DSN1: variants seen among roughly 807,000 people sequenced by gnomAD.
The protein encoded by DSN1 is DSN1 component of MIS12 kinetochore complex, also known as kinetochore-associated protein DSN1 homolog.
A neutral mutation model predicts 45.7 loss-of-function variants in DSN1; 31 were observed. The observed-to-expected ratio is 0.68, with a 90% CI of 0.51 to 0.92. DSN1 has a LOEUF of 0.92. DSN1 is among the 40% of genes least tolerant of loss of function. The pLI, the probability that DSN1 is intolerant of heterozygous loss-of-function variation, is 0.00. For missense variants in DSN1, 394 were observed against 414.2 expected (o/e 0.95, Z 0.42); for synonymous variants, 134 against 142.3 (o/e 0.94, Z 0.41).
At chr20:36,764,024 A>G (rs1358133070) in intron 5 of DSN1, among the ~76,000 whole-genome samples, 1 of 151,898 alleles carries the variant, frequency 6.6e-6, no homozygotes, top group Non-Finnish European at 1.5e-5. Context: ...GACCAGCCTG[A>G]GCAACACAGC....
At chr20:36,757,440 A>G (rs1986735849) in intron 8 of DSN1, among the ~76,000 whole-genome samples, 1 of 151,988 alleles carries the variant, frequency 6.6e-6, no homozygotes, top group Admixed American at 6.6e-5. Context: ...TTAGCCACGC[A>G]TCATGGCAGA....
intron 9 of DSN1, 82 bp downstream of exon 9, chr20:36,755,600 A>G (rs1050241847): frequency 1.3e-6 from 2 of 1,509,844 alleles, no homozygotes; most frequent in Non-Finnish European, 1.8e-6. Flanking sequence ...ACACTTATAC[A>G]TTTCTCCAGG....
intron 8 of DSN1, among the ~76,000 whole-genome samples, chr20:36,757,516 G>A (rs1208332026): frequency 6.6e-6 from 1 of 152,040 alleles, no homozygotes; most frequent in Non-Finnish European, 1.5e-5. Flanking sequence ...GAGGCAGAGT[G>A]AGCTCAGATG....
At chr20:36,762,388 G>T in intron 6 of DSN1, 73 bp downstream of exon 6, 1 of 1,400,490 alleles carries the variant, frequency 7.1e-7, no homozygotes, top group East Asian at 2.5e-5. Flanking sequence ...GGGATTACAG[G>T]CCTGAGCCAC....
At chr20:36,765,668 G>C (rs1056400697) in intron 5 of DSN1, among the ~76,000 whole-genome samples, 1 of 147,664 alleles carries the variant, frequency 6.8e-6, no homozygotes, top group East Asian at 2.0e-4. Flanking sequence ...CGCAGTGGCC[G>C]ACGCCTGTAG....
intron 8 of DSN1, among the ~76,000 whole-genome samples, chr20:36,756,232 G>A (rs1203097561): frequency 7.9e-5 from 12 of 152,034 alleles, no homozygotes; most frequent in African/African-American, 1.7e-4. Flanking sequence ...TGCCCGCTTC[G>A]GCCTCCCAAA....
intron 5 of DSN1, among the ~76,000 whole-genome samples, chr20:36,764,446 A>C (rs1211654655): frequency 6.6e-6 from 1 of 152,162 alleles, no homozygotes; most frequent in Non-Finnish European, 1.5e-5. Context: ...AGATCTTTTA[A>C]GTGGGTAAAC....
At chr20:36,757,118 G>A (rs1986714837) in intron 8 of DSN1, among the ~76,000 whole-genome samples, 1 of 152,222 alleles carries the variant, frequency 6.6e-6, no homozygotes, top group African/African-American at 2.4e-5. Context: ...CACATTGGGA[G>A]GCCAAGATGG....
chr20:36,760,198 C>T (rs1021602190), intron 6 of DSN1, among the ~76,000 whole-genome samples: 22 of 151,378 alleles, frequency 1.5e-4, no homozygotes, highest in African/African-American at 4.9e-4. Context: ...GAGCTGAGAT[C>T]GTGCCACTGC....
chr20:36,771,259 G>A (rs369273294), intron 2 of DSN1, 66 bp from the exon 3 acceptor site: 2 of 1,537,272 alleles, frequency 1.3e-6, no homozygotes, highest in East Asian at 2.3e-5. Context: ...GTGCAAAAAA[G>A]TGGAAAAAGT....
intron 3 of DSN1, among the ~76,000 whole-genome samples, chr20:36,770,601 G>A (rs1407144577): frequency 6.6e-6 from 1 of 152,194 alleles, no homozygotes; most frequent in Non-Finnish European, 1.5e-5. Flanking sequence ...GCTCACGCCT[G>A]TAGTCCCAGC....
Position 36,767,995 on chromosome 20 carries a change from C to G in DSN1, c.403G>C (p.Gly135Arg). ...TGGAAACTGGAAAGCAGGAGACAGC[C>G]AAGCCGTTTGCTTTCTGCTAAATCG... is the stretch of plus-strand genomic sequence containing the variant. The part of the protein sequence containing the change: ...SVDLAESKRL[G>R]CLLLSSFQFS... The change falls in exon 4 of 11, where the codon GGC becomes CGC. Residue 135 changes from glycine to arginine, a missense_variant. Gly to Arg is a moderately radical substitution (Grantham distance 125). Coordinates refer to ENST00000373750, the MANE Select transcript of DSN1 (RefSeq NM_001145315.2). 1 of 1,614,106 alleles carries G rather than the reference C, an allele frequency of 6.2e-7. No homozygotes were observed. The highest frequency in any genetic ancestry group is 8.5e-7 in the Non-Finnish European group (1 of 1,180,000).
intron 8 of DSN1, 50 bp from the exon 9 acceptor site, chr20:36,755,879 G>A (rs747349348): frequency 1.3e-6 from 2 of 1,579,218 alleles, no homozygotes; most frequent in Admixed American, 3.7e-5. Flanking sequence ...TTATTTTCTG[G>A]AAGAGATACC....
intron 9 of DSN1, 49 bp from the exon 10 acceptor site, chr20:36,754,899 A>C: frequency 6.5e-7 from 1 of 1,537,718 alleles, no homozygotes; most frequent in South Asian, 1.1e-5. Context: ...GGCTTCTTGG[A>C]TGTTCCTCAA....
chr20:36,754,938 C>A, intron 9 of DSN1, 88 bp from the exon 10 acceptor site: 1 of 1,129,258 alleles, frequency 8.9e-7, no homozygotes, highest in Non-Finnish European at 1.3e-6. Flanking sequence ...TGCTCAGGAG[C>A]TCTGGGCTTG....
chr20:36,758,525 C>T (rs372608113), intron 7 of DSN1, 33 bp downstream of exon 7: 82 of 1,575,558 alleles, frequency 5.2e-5, no homozygotes, highest in Non-Finnish European at 6.6e-5. Context: ...GATGGGAGAA[C>T]GAATTTAGAT....
chr20:36,754,812 G>A lies in DSN1; in HGVS notation c.912C>T (p.Ala304=). 3 of 1,613,904 alleles carry A rather than the reference G, an allele frequency of 1.9e-6. No individual in the cohort carries two copies. The highest frequency in any genetic ancestry group is 2.5e-6 in the Non-Finnish European group (3 of 1,179,880). Residue 304 remains alanine, a synonymous_variant, in exon 10 of 11, where the codon GCC becomes GCT. Coordinates refer to ENST00000373750, the MANE Select transcript of DSN1 (RefSeq NM_001145315.2). ...AGCACTGGGTACTTTCATCCATAAA[G>A]GCCTGCAGCTGTTTCACTGATCCTT... The part of the protein sequence containing the change: ...ELQGSVKQLQ[A]FMDESTQCFQ...
At chr20:36,757,841 T>C (rs542798632) in intron 8 of DSN1, among the ~76,000 whole-genome samples, 33 of 152,250 alleles carry the variant, frequency 2.2e-4, no homozygotes, top group Admixed American at 1.6e-3. Context: ...GGATATGAAA[T>C]GTTAGCCAAG....
At chr20:36,773,412 G>C in intron 1 of DSN1, 1 of 985,532 alleles carries the variant, frequency 1.0e-6, no homozygotes, top group Non-Finnish European at 1.2e-6. Flanking sequence ...CTGGAGCCTA[G>C]ACCCCTGGCA....
Sources: gnomAD v4.1 joint callset for allele counts (sites outside exome capture counted in the v4.1 genomes callset) on GRCh38, gnomAD v4.1.1 for gene constraint, MANE v1.5 for transcripts, NCBI Gene and HGNC (gene_info 2026-07-23, HGNC 2026-07-21) for gene names.